The following NELL1 variants were observed in gnomAD, a reference collection of about 807,000 sequenced individuals.
The protein encoded by NELL1 is protein kinase C-binding protein NELL1.
Under a neutral mutation model 107.4 loss-of-function variants are expected in NELL1, and 76 were observed. The observed-to-expected ratio is 0.71, with a 90% CI of 0.59 to 0.86. The LOEUF is 0.86. NELL1 is among the 40% of genes least tolerant of loss of function. The pLI, the probability that NELL1 is intolerant of heterozygous loss-of-function variation, is 0.00. For synonymous variants in NELL1, 353 were observed against 341.2 expected (o/e 1.03, Z -0.38); for missense variants, 1,024 against 1,005.5 (o/e 1.02, Z -0.25).
At chr11:21,356,396 G>A (rs1186532008) in intron 14 of NELL1, among the ~76,000 whole-genome samples, 1 of 152,118 alleles carries the variant, frequency 6.6e-6, no homozygotes, top group Non-Finnish European at 1.5e-5. Context: ...TTGCAGGACT[G>A]TCCTGTACTG....
At chr11:20,709,781 AT>A (rs1192517274) in intron 2 of NELL1, among the ~76,000 whole-genome samples, 2 of 151,828 alleles carry the variant, frequency 1.3e-5, no homozygotes, top group Non-Finnish European at 2.9e-5. Flanking sequence ...TATTATTAAT[AT>A]TTTATTATTA....
At chr11:20,673,730 A>G (rs1288072959) in intron 1 of NELL1, among the ~76,000 whole-genome samples, 1 of 152,158 alleles carries the variant, frequency 6.6e-6, no homozygotes, top group Non-Finnish European at 1.5e-5. Context: ...CTTAATTGTA[A>G]TTCCCAATTT....
chr11:21,197,884 T>C (rs1857188632), intron 13 of NELL1, among the ~76,000 whole-genome samples: 1 of 152,202 alleles, frequency 6.6e-6, no homozygotes, highest in Non-Finnish European at 1.5e-5. Flanking sequence ...TCATCCTGAT[T>C]GTATCAGTTG....
rs770627536 is a variant in NELL1, at chr11:20,919,216, A to T, written c.677-36A>T. The T allele has an allele frequency of 2.4e-6, 3 of 1,270,624 alleles. No individual in the cohort carries two copies. In the African/African-American group the frequency reaches 4.5e-5, roughly 19 times the overall value. The allele number at this position is 1,270,624 out of a possible 1,614,324, so 78.7% of individuals were successfully genotyped here. ...AAATTTTATTTCTTATATTAGCACA[A>T]TATAAATATATATGTTTTATATTTT... On this transcript the variant is annotated intron_variant, in intron 6 of 19. Transcript: ENST00000357134.
chr11:21,433,704 A>T (rs1300861195), intron 15 of NELL1, among the ~76,000 whole-genome samples: 1 of 151,990 alleles, frequency 6.6e-6, no homozygotes, highest in Non-Finnish European at 1.5e-5. Flanking sequence ...AGACAGAGTT[A>T]CACTCTTGTT....
At chr11:21,300,977 T>C (rs1186431134) in intron 14 of NELL1, among the ~76,000 whole-genome samples, 1 of 152,128 alleles carries the variant, frequency 6.6e-6, no homozygotes, top group Non-Finnish European at 1.5e-5. Context: ...TTCCCACCTA[T>C]GAGTGAGAAC....
chr11:21,242,569 C>A (rs1010422257), intron 14 of NELL1, among the ~76,000 whole-genome samples: 1 of 152,088 alleles, frequency 6.6e-6, no homozygotes, highest in Non-Finnish European at 1.5e-5. Flanking sequence ...AAATTAGCTG[C>A]ATTATTGTTT....
intron 12 of NELL1, among the ~76,000 whole-genome samples, chr11:21,077,932 G>C (rs527981655): frequency 1.8e-4 from 28 of 151,934 alleles, no homozygotes; most frequent in Non-Finnish European, 4.0e-4. Flanking sequence ...TTTCTCAAAT[G>C]AAACATACCA....
intron 15 of NELL1, among the ~76,000 whole-genome samples, chr11:21,519,858 G>T (rs780673474): frequency 1.2e-4 from 18 of 152,158 alleles, no homozygotes; most frequent in Admixed American, 3.3e-4. Flanking sequence ...GGTTGGGAGA[G>T]AGATTCCTGG....
At chr11:20,722,017 CTCT>C (rs202070114) in intron 2 of NELL1, among the ~76,000 whole-genome samples, 88,154 of 138,370 alleles carry the variant, frequency 0.64, 30,208 homozygotes, top group East Asian at 0.92. Flanking sequence ...TTCTGAGTCT[CTCT>C]TTTTTTTTTT....
intron 2 of NELL1, among the ~76,000 whole-genome samples, chr11:20,770,069 A>G (rs79460927): frequency 0.031 from 4,678 of 152,214 alleles, 255 homozygotes; most frequent in African/African-American, 0.11. Context: ...GAACCAAATT[A>G]TTTGCAACAA....
intron 15 of NELL1, among the ~76,000 whole-genome samples, chr11:21,502,516 G>A (rs139625908): frequency 4.6e-5 from 7 of 152,244 alleles, no homozygotes; most frequent in Non-Finnish European, 1.0e-4. Context: ...GAAGCTAAGC[G>A]CTCTAGGTAT....
chr11:21,436,017 T>C (rs1403620472), intron 15 of NELL1, among the ~76,000 whole-genome samples: 3 of 152,128 alleles, frequency 2.0e-5, no homozygotes, highest in East Asian at 1.9e-4. Context: ...AATCTCATTA[T>C]GTGTTATTGG....
Position 21,455,671 on chromosome 11 carries a change from C to T in NELL1, c.1646-78703C>T, listed in dbSNP as rs559247451. On this transcript the variant is annotated intron_variant, in intron 15 of 19. Transcript: ENST00000357134. ...TATTTTGTTAATCCCTGGTTTTCAT[C>T]CATTTTGATTAAGATGTGCTTTGTT... 1.2e-3 allele frequency among the ~76,000 whole-genome samples: 182 copies of T among 151,968 alleles called. 1 individual carries two copies. The highest frequency in any genetic ancestry group is 4.3e-3 in the African/African-American group (179 of 41,460).
intron 12 of NELL1, among the ~76,000 whole-genome samples, chr11:21,075,832 A>G (rs1487386848): frequency 6.6e-6 from 1 of 151,988 alleles, no homozygotes; most frequent in Non-Finnish European, 1.5e-5. Flanking sequence ...TTCTCCTTTT[A>G]TTTTTCTATA....
intron 12 of NELL1, among the ~76,000 whole-genome samples, chr11:21,021,012 A>AC (rs1852686251): frequency 7.1e-6 from 1 of 140,224 alleles, no homozygotes; most frequent in Non-Finnish European, 1.5e-5. Flanking sequence ...AGAAACTTAG[A>AC]ACACACACAC....
chr11:20,712,765 A>G (rs1026388706), intron 2 of NELL1, among the ~76,000 whole-genome samples: 1 of 152,170 alleles, frequency 6.6e-6, no homozygotes, highest in African/African-American at 2.4e-5. Flanking sequence ...TTAGCCATCC[A>G]GTGGGGCTAC....
chr11:21,073,851 A>C (rs563969925), intron 12 of NELL1, among the ~76,000 whole-genome samples: 3 of 152,314 alleles, frequency 2.0e-5, no homozygotes, highest in East Asian at 3.9e-4. Context: ...AAAATGAATA[A>C]ATTTTTCAAT....
intron 4 of NELL1, among the ~76,000 whole-genome samples, chr11:20,854,198 T>A (rs556546817): frequency 6.6e-6 from 1 of 152,164 alleles, no homozygotes; most frequent in African/African-American, 2.4e-5. Context: ...AGCTCAAAAA[T>A]TCTCTTGACT....
Sources: gnomAD v4.1 joint callset for allele counts (sites outside exome capture counted in the v4.1 genomes callset) on GRCh38, gnomAD v4.1.1 for gene constraint, MANE v1.5 for transcripts, NCBI Gene and HGNC (gene_info 2026-07-23, HGNC 2026-07-21) for gene names.